MMAA: variants seen among roughly 807,000 people sequenced by gnomAD.
The protein encoded by MMAA is metabolism of cobalamin associated A, also known as methylmalonic aciduria type A protein, mitochondrial.
In MMAA, 41 loss-of-function variants were observed where a neutral mutation model predicts 45.0. That is an observed-to-expected ratio of 0.91 (90% CI 0.71 to 1.18). MMAA has a LOEUF of 1.18. MMAA is among the 50% of genes most tolerant of loss of function. The probability of loss-of-function intolerance (pLI) is 0.00; values close to 1 mark genes in which losing one functional copy is unlikely to be tolerated. For synonymous variants in MMAA, 154 were observed against 178.2 expected (o/e 0.86, Z 1.08); for missense variants, 460 against 495.7 (o/e 0.93, Z 0.68).
chr4:145,652,780 A>G (rs1308852138), intron 5 of MMAA, among the ~76,000 whole-genome samples: 4 of 152,094 alleles, frequency 2.6e-5, no homozygotes, highest in African/African-American at 9.7e-5. Flanking sequence ...GGCACCTCCC[A>G]TGAATAACAG....
chr4:145,642,260 C>T (rs1727807790), intron 2 of MMAA, 103 bp from the exon 3 acceptor site: 7 of 1,269,018 alleles, frequency 5.5e-6, no homozygotes, highest in Admixed American at 1.7e-5. Flanking sequence ...GGTTTTAATA[C>T]ATTAGGGGAA....
chr4:145,647,774 A>G (rs950620888), intron 4 of MMAA, among the ~76,000 whole-genome samples: 1 of 152,144 alleles, frequency 6.6e-6, no homozygotes, highest in African/African-American at 2.4e-5. Flanking sequence ...ACCTCATTTA[A>G]TTGCTTCTTT....
intron 1 of MMAA, among the ~76,000 whole-genome samples, chr4:145,621,171 C>T (rs987216120): frequency 1.3e-5 from 2 of 152,126 alleles, no homozygotes; most frequent in African/African-American, 2.4e-5. Context: ...GATCCTGATA[C>T]GTAGATCTTA....
intron 1 of MMAA, chr4:145,624,057 A>C: frequency 1.3e-6 from 1 of 796,662 alleles, no homozygotes; most frequent in Non-Finnish European, 2.3e-6. Flanking sequence ...GAACTAAGCT[A>C]ACTGGTCAGA....
In MMAA at chr4:145,656,471, A is replaced by G. The variant is rs1728235031; in HGVS notation, c.*1037A>G. ...TTTCTAAGGTTAGTGAAGATAGGAA[A>G]TACTCGAAGGCTGCTTACTATCCTT... On this transcript the variant is annotated 3_prime_UTR_variant, in exon 7 of 7. Transcript: ENST00000649156. 1 of 152,184 alleles carries G rather than the reference A, an allele frequency of 6.6e-6. No individual in the cohort carries two copies. The highest frequency in any genetic ancestry group is 2.4e-5 in the African/African-American group (1 of 41,446). The allele number at this position is 152,184 out of a possible 1,614,324, so 9.4% of individuals were successfully genotyped here. A position where few individuals can be genotyped will look rare whatever the true frequency, so the allele number is the denominator to read the frequency against.
intron 6 of MMAA, 104 bp downstream of exon 6, chr4:145,654,247 G>T (rs1335357605): frequency 4.4e-6 from 6 of 1,365,214 alleles, no homozygotes; most frequent in Non-Finnish European, 6.3e-6. Flanking sequence ...TTGCTTCTAT[G>T]TGAAGATGAT....
intron 1 of MMAA, among the ~76,000 whole-genome samples, chr4:145,634,478 A>G (rs1452747366): frequency 6.6e-6 from 1 of 151,992 alleles, no homozygotes; most frequent in Non-Finnish European, 1.5e-5. Flanking sequence ...CCTCTGGCCC[A>G]GGGCAGGTCC....
intron 5 of MMAA, among the ~76,000 whole-genome samples, chr4:145,651,734 C>T (rs1257054966): frequency 6.6e-6 from 1 of 152,158 alleles, no homozygotes; most frequent in Admixed American, 6.5e-5. Flanking sequence ...GAACAGTGGT[C>T]CCCAACCTTT....
chr4:145,657,142 G>A lies in MMAA; in HGVS notation c.*1708G>A, dbSNP rs1728257517. On this transcript the variant is annotated 3_prime_UTR_variant, in exon 7 of 7. Transcript: ENST00000649156. ...ACATACTGCATTGTAAAGAAGGTAGGAAAGGTGGGGGGACTTTTGTTAGCT... is the reference window on the plus strand; with the variant it reads ...ACATACTGCATTGTAAAGAAGGTAGAAAAGGTGGGGGGACTTTTGTTAGCT... 1.3e-5 allele frequency: 2 copies of A among 152,214 alleles called. No individual in the cohort carries two copies. The highest frequency in any genetic ancestry group is 6.5e-5 in the Admixed American group (1 of 15,278). The allele number at this position is 152,214 out of a possible 1,614,324, so 9.4% of individuals were successfully genotyped here.
At chr4:145,635,063 G>A (rs1309055900) in intron 1 of MMAA, among the ~76,000 whole-genome samples, 2 of 152,210 alleles carry the variant, frequency 1.3e-5, no homozygotes, top group Non-Finnish European at 2.9e-5. Context: ...TCCAGCTGGT[G>A]TCTCACTGGG....
chr4:145,642,595 T>G lies in MMAA; in HGVS notation c.562+110T>G, dbSNP rs1727818712. The G allele has an allele frequency of 4.1e-6, 6 of 1,470,554 alleles. No individual in the cohort carries two copies. In the East Asian group the frequency reaches 1.4e-4, roughly 34 times the overall value. The allele number at this position is 1,470,554 out of a possible 1,614,324, so 91.1% of individuals were successfully genotyped here. A position where few individuals can be genotyped will look rare whatever the true frequency, so the allele number is the denominator to read the frequency against. On this transcript the variant is annotated intron_variant, in intron 3 of 6. Coordinates refer to ENST00000649156, the MANE Select transcript of MMAA (RefSeq NM_172250.3). ...CTCTAACTGCTAGCTAAGTTTGGTC[T>G]CGCTAAAGGAAGGGAGTTCTGCAGA...
At chr4:145,648,520 T>G (rs1284752760) in intron 4 of MMAA, among the ~76,000 whole-genome samples, 2 of 152,078 alleles carry the variant, frequency 1.3e-5, no homozygotes, top group Non-Finnish European at 2.9e-5. Context: ...CTTTAGAAAC[T>G]CCACCATTAA....
rs965419072 is a variant in MMAA, at chr4:145,658,801, A to G, written c.*3367A>G. The G allele has an allele frequency of 6.6e-6, 1 of 152,200 alleles. No homozygotes were observed. Among genetic ancestry groups the G allele is most frequent in the Non-Finnish European group, 1.5e-5 (1 of 68,042 alleles). The allele number at this position is 152,200 out of a possible 1,614,324, so 9.4% of individuals were successfully genotyped here. ...TGCTACTGCTAAAAACTAGTAAACT[A>G]CCAGTAAACTGTGAAGACAGAAGTA... On this transcript the variant is annotated 3_prime_UTR_variant, in exon 7 of 7. Coordinates refer to ENST00000649156, the MANE Select transcript of MMAA (RefSeq NM_172250.3).
intron 1 of MMAA, chr4:145,625,756 A>G (rs965384205): frequency 3.0e-6 from 4 of 1,318,252 alleles, no homozygotes; most frequent in Admixed American, 1.7e-5. Flanking sequence ...CCTGATAACC[A>G]GTAGAGCTGC....
At chr4:145,641,446 T>C (rs1047239819) in intron 2 of MMAA, among the ~76,000 whole-genome samples, 1 of 152,242 alleles carries the variant, frequency 6.6e-6, no homozygotes, top group Non-Finnish European at 1.5e-5. Context: ...AAGATAGTAT[T>C]GGATCTGCCC....
intron 1 of MMAA, among the ~76,000 whole-genome samples, chr4:145,636,850 G>C (rs1454990227): frequency 6.6e-6 from 1 of 152,198 alleles, no homozygotes; most frequent in Non-Finnish European, 1.5e-5. Flanking sequence ...GATAATGAAC[G>C]AGGCATTGTA....
At position 145,646,206 on chromosome 4, in the gene MMAA, T is replaced by C. The variant is rs1380460790; in HGVS notation, c.733+50T>C. 3.1e-6 allele frequency: 5 copies of C among 1,603,834 alleles called. No homozygotes were observed. In the South Asian group the frequency reaches 4.4e-5, roughly 14 times the overall value. On this transcript the variant is annotated intron_variant, in intron 4 of 6. Transcript: ENST00000649156. ...ACAATGTACTATTTTATGAATGCTA[T>C]ATAAAGATGAGTGACAACTTATTTT...
chr4:145,630,621 G>T (rs996090225), intron 1 of MMAA, among the ~76,000 whole-genome samples: 1 of 152,174 alleles, frequency 6.6e-6, no homozygotes, highest in Non-Finnish European at 1.5e-5. Context: ...CCAGCTACTT[G>T]GGGGGCTGAG....
At chr4:145,638,538 A>G (rs894312700) in intron 1 of MMAA, among the ~76,000 whole-genome samples, 3 of 152,184 alleles carry the variant, frequency 2.0e-5, no homozygotes, top group African/African-American at 7.2e-5. Context: ...TGTGTGCTTT[A>G]AGTTAGGCTA....
Sources: allele counts gnomAD v4.1 joint callset (sites outside exome capture counted in the v4.1 genomes callset), GRCh38; gene constraint gnomAD v4.1.1; transcripts MANE v1.5; gene names NCBI Gene and HGNC (gene_info 2026-07-23, HGNC 2026-07-21).